Variants in MORC3 observed in about 807,000 individuals in gnomAD.
MORC3 encodes MORC family CW-type zinc finger protein 3.
MORC3 carries 31 observed loss-of-function variants against 109.1 expected under a neutral mutation model. That is an observed-to-expected ratio of 0.28 (90% CI 0.21 to 0.38). The LOEUF is 0.38. Ranked by LOEUF, MORC3 falls within the 10% of genes least tolerant of loss-of-function variation. The pLI, the probability that MORC3 is intolerant of heterozygous loss-of-function variation, is 1.00. For synonymous variants in MORC3, 395 were observed against 380.7 expected (o/e 1.04, Z -0.44); for missense variants, 867 against 1,135.8 (o/e 0.76, Z 3.40).
chr21:36,331,065 A>G (rs1486482058), intron 1 of MORC3, among the ~76,000 whole-genome samples: 1 of 152,246 alleles, frequency 6.6e-6, no homozygotes, highest in Non-Finnish European at 1.5e-5. Flanking sequence ...GGAATTGTCC[A>G]GAAGCAAGTG....
intron 10 of MORC3, 40 bp from the exon 11 acceptor site, chr21:36,359,915 C>A (rs903490405): frequency 2.5e-6 from 4 of 1,609,850 alleles, no homozygotes; most frequent in African/African-American, 2.7e-5. Flanking sequence ...ATTTAGAGTC[C>A]ATATTTCTGT....
chr21:36,328,388 G>T (rs563284603), intron 1 of MORC3, among the ~76,000 whole-genome samples: 1 of 127,956 alleles, frequency 7.8e-6, no homozygotes, highest in Non-Finnish European at 1.6e-5. Flanking sequence ...TGCTCCCTCT[G>T]TCGCCCAGGC....
At chr21:36,331,211 C>T (rs1460734236) in intron 1 of MORC3, among the ~76,000 whole-genome samples, 1 of 152,118 alleles carries the variant, frequency 6.6e-6, no homozygotes, top group Non-Finnish European at 1.5e-5. Flanking sequence ...CTTTTTTCCC[C>T]TTATTAGGAG....
chr21:36,352,751 C>T (rs956524634), intron 9 of MORC3, among the ~76,000 whole-genome samples: 7 of 152,172 alleles, frequency 4.6e-5, no homozygotes, highest in South Asian at 4.2e-4. Context: ...CAAAGATCCA[C>T]GTATAACTCC....
intron 4 of MORC3, 127 bp from the exon 5 acceptor site, chr21:36,338,647 A>T: frequency 1.1e-6 from 1 of 919,292 alleles, no homozygotes; most frequent in Non-Finnish European, 1.5e-6. Context: ...ACCCTATCTC[A>T]CAAAAAAAAA....
chr21:36,353,552 C>CTAACATGG (rs1423836633), intron 9 of MORC3, among the ~76,000 whole-genome samples: 1 of 151,268 alleles, frequency 6.6e-6, no homozygotes, highest in African/African-American at 2.4e-5. Flanking sequence ...ACCAGCCTGG[C>CTAACATGG]TAACATGGTG....
At chr21:36,326,264 C>G (rs1005604854) in intron 1 of MORC3, among the ~76,000 whole-genome samples, 24 of 151,812 alleles carry the variant, frequency 1.6e-4, no homozygotes, top group African/African-American at 5.8e-4. Context: ...TGGCTCATGC[C>G]TGTAATCCCA....
intron 5 of MORC3, among the ~76,000 whole-genome samples, chr21:36,340,962 A>G (rs2085438832): frequency 6.6e-6 from 1 of 152,100 alleles, no homozygotes; most frequent in Non-Finnish European, 1.5e-5. Flanking sequence ...CTTGCTGAGT[A>G]GTGTTTCATT....
chr21:36,330,328 C>T (rs1299405795), intron 1 of MORC3, among the ~76,000 whole-genome samples: 2 of 152,210 alleles, frequency 1.3e-5, no homozygotes, highest in Non-Finnish European at 2.9e-5. Context: ...ACTTTGGTCT[C>T]CACAATCCTT....
chr21:36,364,662 T>C (rs2085758221), intron 14 of MORC3, among the ~76,000 whole-genome samples: 2 of 151,754 alleles, frequency 1.3e-5, no homozygotes, highest in African/African-American at 4.8e-5. Flanking sequence ...AAAAAAGCAT[T>C]AATTGTATTC....
chr21:36,353,753 G>GTTTTTTTTTTTTTTTTTT (rs1334368761), intron 9 of MORC3, among the ~76,000 whole-genome samples: 1 of 26,396 alleles, frequency 3.8e-5, no homozygotes, highest in African/African-American at 2.2e-4. Context: ...GCTAATTTTT[G>GTTTTTTTTTTTTTTTTTT]TATTTTTTTT....
chr21:36,366,411 C>T (rs1055098187), intron 14 of MORC3, among the ~76,000 whole-genome samples: 3 of 151,848 alleles, frequency 2.0e-5, no homozygotes, highest in East Asian at 3.9e-4. Flanking sequence ...AAAAGTTGGC[C>T]GTCATCAAAA....
Position 36,376,327 on chromosome 21 carries a change from TA to T in MORC3, c.*1032del, listed in dbSNP as rs2085929209. 6.5e-6 allele frequency: 1 copy of T among 152,672 alleles called. No homozygotes were observed. The highest frequency in any genetic ancestry group is 1.5e-5 in the Non-Finnish European group (1 of 68,040). 9.5% of individuals were successfully genotyped at this position (152,672 alleles called of 1,614,324 possible). On this transcript the variant is annotated 3_prime_UTR_variant, in exon 17 of 17. Transcript: ENST00000400485. ...ATAAACTATGTATATATAAGAACCA[TA>T]TTTTCCACAACTAAAATGTGCATTA...
At position 36,320,212 on chromosome 21, in the gene MORC3, C is replaced by A. The variant is rs985339477; in HGVS notation, c.-53C>A. ...ATAGGGCTCCACAGTCGTTCCGCCACCTCCCAGTCGGGTTGCGGCGGAGGC... is the reference window on the plus strand; with the variant it reads ...ATAGGGCTCCACAGTCGTTCCGCCAACTCCCAGTCGGGTTGCGGCGGAGGC... On this transcript the variant is annotated 5_prime_UTR_variant, in exon 1 of 17. Coordinates refer to ENST00000400485, the MANE Select transcript of MORC3 (RefSeq NM_015358.3). 1.9e-6 allele frequency: 3 copies of A among 1,559,564 alleles called. No individual in the cohort carries two copies. The highest frequency in any genetic ancestry group is 1.4e-5 in the African/African-American group (1 of 73,562).
intron 1 of MORC3, among the ~76,000 whole-genome samples, chr21:36,328,939 A>G (rs2085281224): frequency 6.6e-6 from 1 of 151,612 alleles, no homozygotes; most frequent in South Asian, 2.1e-4. Context: ...AATTGTAACG[A>G]TAGCTGATGA....
At chr21:36,374,480 GGATATCTTATA>G (rs1569112791) in intron 16 of MORC3, among the ~76,000 whole-genome samples, 1 of 151,970 alleles carries the variant, frequency 6.6e-6, no homozygotes, top group Non-Finnish European at 1.5e-5. Flanking sequence ...ACACAACTAT[GGATATCTTATA>G]GAACATGTTT....
chr21:36,323,376 C>G (rs968313883), intron 1 of MORC3, among the ~76,000 whole-genome samples: 1 of 152,174 alleles, frequency 6.6e-6, no homozygotes, highest in African/African-American at 2.4e-5. Context: ...CAATAATAAT[C>G]TTACACACCT....
At chr21:36,364,841 C>A (rs1361213167) in intron 14 of MORC3, among the ~76,000 whole-genome samples, 1 of 148,390 alleles carries the variant, frequency 6.7e-6, no homozygotes, top group Non-Finnish European at 1.5e-5. Flanking sequence ...CATTTGAGGT[C>A]AGGAGTTCGA....
chr21:36,356,699 C>T lies in MORC3; in HGVS notation c.1183C>T (p.Leu395=), dbSNP rs897793063. The change falls in exon 10 of 17, where the codon CTA becomes TTA. Residue 395 remains leucine (L), a synonymous_variant. Transcript: ENST00000400485. ...MKVKKNTEYP[L]NLPVEDIQKR... is the part of the protein sequence containing the mutation. Reference sequence around the variant, plus strand: ...AGTGAAGAAAAATACAGAATATCCTCTAAATTTGCCAGTTGAAGATATACA... The same window carrying T: ...AGTGAAGAAAAATACAGAATATCCTTTAAATTTGCCAGTTGAAGATATACA... 7 of 1,591,668 alleles carry T rather than the reference C, an allele frequency of 4.4e-6. No individual in the cohort carries two copies. The highest frequency in any genetic ancestry group is 1.8e-5 in the Admixed American group (1 of 56,112).
Sources: allele counts gnomAD v4.1 joint callset (sites outside exome capture counted in the v4.1 genomes callset), GRCh38; gene constraint gnomAD v4.1.1; transcripts MANE v1.5; gene names NCBI Gene and HGNC (gene_info 2026-07-23, HGNC 2026-07-21).